Variants in DNM3 observed in about 807,000 individuals in gnomAD.
The protein encoded by DNM3 is dynamin 3.
In DNM3, 47 loss-of-function variants were observed where a neutral mutation model predicts 101.6. That is an observed-to-expected ratio of 0.46 (90% CI 0.37 to 0.59). The LOEUF (loss-of-function observed/expected upper bound fraction) is 0.59. Among genes scored for constraint, DNM3 ranks in the 20% least tolerant of loss-of-function variants. The pLI is 0.00. For missense variants in DNM3, 849 were observed against 1,085.7 expected (o/e 0.78, Z 3.06); for synonymous variants, 385 against 387.9 (o/e 0.99, Z 0.09).
At chr1:172,032,526 CTTTTTTTTTT>C (rs750270768) in intron 5 of DNM3, 26 bp downstream of exon 5, 16,715 of 358,528 alleles carry the variant, frequency 0.047, 361 homozygotes, top group East Asian at 0.056. Flanking sequence ...CTATACAAGA[CTTTTTTTTTT>C]TTTTTTTTTT....
intron 11 of DNM3, among the ~76,000 whole-genome samples, chr1:172,073,784 G>A (rs1468585316): frequency 1.3e-5 from 2 of 152,160 alleles, no homozygotes; most frequent in Non-Finnish European, 2.9e-5. Flanking sequence ...CTCCCTTTTA[G>A]CAAATCTCAG....
chr1:172,098,075 C>T lies in DNM3; in HGVS notation c.1545+5200C>T, dbSNP rs114766938. ...AAAATTGCTAATGAAATTTCAGGCA[C>T]GCATTGTCATTGATAACATCAGGAG... On this transcript the variant is annotated intron_variant, in intron 13 of 20. Coordinates refer to ENST00000627582, the MANE Select transcript of DNM3 (RefSeq NM_015569.5). Among the ~76,000 whole-genome samples, 877 of 152,224 alleles carry T rather than the reference C, an allele frequency of 5.8e-3. 10 individuals carry two copies. Among genetic ancestry groups the T allele is most frequent in the African/African-American group, 0.02 (824 of 41,524 alleles).
intron 2 of DNM3, among the ~76,000 whole-genome samples, chr1:171,970,970 A>G (rs2043949693): frequency 6.6e-6 from 1 of 152,152 alleles, no homozygotes; most frequent in Non-Finnish European, 1.5e-5. Flanking sequence ...ACATTTAAAA[A>G]AATAATAACA....
At chr1:171,878,806 A>G (rs1157495669) in intron 1 of DNM3, among the ~76,000 whole-genome samples, 1 of 152,108 alleles carries the variant, frequency 6.6e-6, no homozygotes, top group Non-Finnish European at 1.5e-5. Flanking sequence ...ACTTCAATGA[A>G]TGTATTTCTG....
intron 14 of DNM3, among the ~76,000 whole-genome samples, chr1:172,220,283 C>T (rs2060859056): frequency 6.6e-6 from 1 of 152,112 alleles, no homozygotes; most frequent in South Asian, 2.1e-4. Context: ...ATAGGAGTTT[C>T]TTGAAATACC....
intron 4 of DNM3, among the ~76,000 whole-genome samples, chr1:172,008,810 T>G (rs2046875570): frequency 1.4e-5 from 2 of 138,556 alleles, no homozygotes; most frequent in Admixed American, 7.9e-5. Flanking sequence ...ATATAATATA[T>G]AAATATTAAT....
chr1:172,033,152 A>G lies in DNM3; in HGVS notation c.736A>G (p.Lys246Glu). The G allele has an allele frequency of 6.2e-7, 1 of 1,612,542 alleles. No homozygotes were observed. The highest frequency in any genetic ancestry group is 1.3e-5 in the African/African-American group (1 of 74,980). Residue 246 changes from lysine to glutamate, a missense_variant, in exon 6 of 21, where the codon AAG becomes GAG. By Grantham distance (56) the Lys-to-Glu change is moderately conservative. Around this residue, in one of 5 missense-constraint regions of DNM3, gnomAD observed 388 missense variants for 483.0 expected, o/e 0.80. Transcript: ENST00000627582. The part of the protein sequence containing the change: ...NRSQKDIDGK[K>E]DIKAAMLAER... ...AAGCCAGAAGGACATAGATGGGAAG[A>G]AGGACATAAAGGCAGCCATGCTGGC...
At chr1:172,126,730 G>T (rs574920804) in intron 13 of DNM3, among the ~76,000 whole-genome samples, 50 of 146,312 alleles carry the variant, frequency 3.4e-4, no homozygotes, top group African/African-American at 6.1e-4. Flanking sequence ...TTTTTTTTTT[G>T]ACTTCATTGG....
Position 172,308,659 on chromosome 1 carries a change from ACAG to A in DNM3, c.1770-66_1770-64del, listed in dbSNP as rs2064949872. ...ATTGTCACTTACATCATCATCGTCT[ACAG>A]CAACATAAAATGACTTTGAATTTGG... On this transcript the variant is annotated intron_variant, in intron 15 of 20. Transcript: ENST00000627582. The A allele has an allele frequency of 4.1e-6, 3 of 736,772 alleles. No homozygotes were observed. The Admixed American group carries it at 1.1e-4, about 26-fold the overall frequency. 45.6% of individuals were successfully genotyped at this position (736,772 alleles called of 1,614,324 possible).
At chr1:172,264,337 A>G (rs1321026517) in intron 15 of DNM3, among the ~76,000 whole-genome samples, 1 of 152,178 alleles carries the variant, frequency 6.6e-6, no homozygotes, top group Non-Finnish European at 1.5e-5. Flanking sequence ...ATGTATTTTA[A>G]TCCTCTGTGT....
chr1:172,300,258 T>C (rs7552877), intron 15 of DNM3, among the ~76,000 whole-genome samples: 7,972 of 152,282 alleles, frequency 0.052, 277 homozygotes, highest in South Asian at 0.11. Flanking sequence ...TACTGAATTA[T>C]TTAAGTTCCC....
intron 1 of DNM3, among the ~76,000 whole-genome samples, chr1:171,889,568 C>A (rs2037079364): frequency 6.6e-6 from 1 of 152,112 alleles, no homozygotes; most frequent in Non-Finnish European, 1.5e-5. Flanking sequence ...ACTAGCTACT[C>A]CCTCACTCTT....
At chr1:172,389,698 C>G (rs1011927113) in intron 20 of DNM3, among the ~76,000 whole-genome samples, 1 of 152,096 alleles carries the variant, frequency 6.6e-6, no homozygotes, top group Admixed American at 6.5e-5. Context: ...TTTATATACT[C>G]CATGAAGGAA....
At chr1:172,243,715 A>G (rs2061833722) in intron 14 of DNM3, among the ~76,000 whole-genome samples, 1 of 152,320 alleles carries the variant, frequency 6.6e-6, no homozygotes, top group African/African-American at 2.4e-5. Context: ...AAGGTTAAAA[A>G]GTGCTGTTGA....
chr1:172,106,846 T>A (rs1157807018), intron 13 of DNM3, among the ~76,000 whole-genome samples: 1 of 115,616 alleles, frequency 8.6e-6, no homozygotes, highest in South Asian at 2.8e-4. Context: ...GTAACATTAT[T>A]CTTTTTTTTT....
At chr1:172,284,389 C>G (rs1573291376) in intron 15 of DNM3, among the ~76,000 whole-genome samples, 1 of 152,108 alleles carries the variant, frequency 6.6e-6, no homozygotes, top group Non-Finnish European at 1.5e-5. Context: ...TACTTGGTAC[C>G]TTGACAGTGA....
chr1:171,991,317 G>A lies in DNM3; in HGVS notation c.589+2169G>A, dbSNP rs535482816. On this transcript the variant is annotated intron_variant, in intron 4 of 20. Transcript: ENST00000627582. The stretch of plus-strand genomic sequence containing the variant: ...CCACAAGATGACCCCCACTTCTGAT[G>A]CCAGTTACAAGATCCAGGTTGTTTA... 5.9e-5 allele frequency among the ~76,000 whole-genome samples: 9 copies of A among 152,212 alleles called. No homozygotes were observed. The South Asian group carries it at 1.7e-3, about 28-fold the overall frequency.
intron 11 of DNM3, among the ~76,000 whole-genome samples, chr1:172,070,203 G>A (rs2052046821): frequency 6.6e-6 from 1 of 152,186 alleles, no homozygotes; most frequent in Admixed American, 6.5e-5. Flanking sequence ...CAAAAGAGGA[G>A]AAAACAGGCT....
At chr1:172,305,272 A>G (rs1439489381) in intron 15 of DNM3, among the ~76,000 whole-genome samples, 1 of 152,242 alleles carries the variant, frequency 6.6e-6, no homozygotes, top group Non-Finnish European at 1.5e-5. Flanking sequence ...CAAATAAACT[A>G]GAAAATCTAG....
Sources: allele counts gnomAD v4.1 joint callset (sites outside exome capture counted in the v4.1 genomes callset), GRCh38; gene constraint gnomAD v4.1.1; regional missense constraint gnomAD v4.1.1; transcripts MANE v1.5; gene names NCBI Gene and HGNC (gene_info 2026-07-23, HGNC 2026-07-21).